MEGF11: variants seen among roughly 807,000 people sequenced by gnomAD.
MEGF11 encodes multiple epidermal growth factor-like domains protein 11.
Under a neutral mutation model 146.6 loss-of-function variants are expected in MEGF11, and 126 were observed. That is an observed-to-expected ratio of 0.86 (90% CI 0.74 to 1.00). MEGF11 has a LOEUF of 1.00. MEGF11 is among the 50% of genes least tolerant of loss of function. The pLI, the probability that MEGF11 is intolerant of heterozygous loss-of-function variation, is 0.00. For missense variants in MEGF11, 1,509 were observed against 1,521.2 expected (o/e 0.99, Z 0.13); for synonymous variants, 532 against 583.4 (o/e 0.91, Z 1.27).
At chr15:65,926,913 C>T (rs2079390679) in intron 13 of MEGF11, among the ~76,000 whole-genome samples, 1 of 152,106 alleles carries the variant, frequency 6.6e-6, no homozygotes, top group Non-Finnish European at 1.5e-5. Flanking sequence ...TACTGACGGG[C>T]AGGAGCCAGC....
chr15:65,913,940 G>C lies in MEGF11; in HGVS notation c.2507C>G (p.Thr836Ser). The C allele has an allele frequency of 6.2e-7, 1 of 1,613,952 alleles. No homozygotes were observed. The highest frequency in any genetic ancestry group is 8.5e-7 in the Non-Finnish European group (1 of 1,179,878). ...TGCACCCAGTGCTGGGCTGATCTTG[G>C]TGTAGGGATTCAGCTCCTCCATCAT... ...ALMMEELNPY[T>S]KISPALGAER... The change falls in exon 20 of 26, where the codon ACC (threonine) becomes AGC (serine). Residue 836 changes from threonine to serine, a missense_variant. Physicochemically the swap from Thr to Ser is moderately conservative, Grantham distance 58 (BLOSUM62 1). Coordinates refer to ENST00000395614, the MANE Select transcript of MEGF11 (RefSeq NM_001385028.1).
Position 66,128,318 on chromosome 15 carries a change from C to A in MEGF11, c.86G>T (p.Ser29Ile). ...GCCCACACCTTACCTCTCCCAGTGG[C>A]TGCACACGTTGGGGTCCTCGGGGTT... ...ALNPEDPNVC[S>I]HWESYAVTVQ... Residue 29 changes from serine to isoleucine, a missense_variant, in exon 2 of 26, where the codon AGC becomes ATC. Transcript: ENST00000395614. The A allele has an allele frequency of 2.0e-6, 3 of 1,516,826 alleles. No individual in the cohort carries two copies. Among genetic ancestry groups the A allele is most frequent in the Admixed American group, 2.2e-5 (1 of 46,020 alleles). The allele number at this position is 1,516,826 out of a possible 1,614,324, so 94.0% of individuals were successfully genotyped here.
chr15:66,052,414 T>C (rs1025521106), intron 5 of MEGF11, among the ~76,000 whole-genome samples: 1 of 152,192 alleles, frequency 6.6e-6, no homozygotes, highest in Non-Finnish European at 1.5e-5. Flanking sequence ...GAGGTCTGTT[T>C]GTTTTATGAC....
At chr15:66,151,031 C>T (rs1338629021) in intron 1 of MEGF11, among the ~76,000 whole-genome samples, 1 of 152,184 alleles carries the variant, frequency 6.6e-6, no homozygotes, top group Non-Finnish European at 1.5e-5. Flanking sequence ...GGGACAAGGG[C>T]TGGGGAGGTC....
At chr15:66,131,361 A>G (rs2088639720) in intron 1 of MEGF11, among the ~76,000 whole-genome samples, 1 of 152,268 alleles carries the variant, frequency 6.6e-6, no homozygotes, top group African/African-American at 2.4e-5. Flanking sequence ...ATAAGATGCC[A>G]TCAGCTGCAG....
At chr15:66,120,129 G>A (rs1374468933) in intron 3 of MEGF11, among the ~76,000 whole-genome samples, 4 of 152,192 alleles carry the variant, frequency 2.6e-5, no homozygotes, top group African/African-American at 7.2e-5. Context: ...TTTCAAAGCT[G>A]CTAGGCTTAA....
intron 5 of MEGF11, among the ~76,000 whole-genome samples, chr15:66,010,767 T>G (rs1352007094): frequency 3.9e-5 from 6 of 152,190 alleles, no homozygotes; most frequent in African/African-American, 1.4e-4. Flanking sequence ...AAAGAAAACA[T>G]GGGGTTCCAC....
chr15:66,182,427 G>T (rs771448754), intron 1 of MEGF11, among the ~76,000 whole-genome samples: 2 of 152,014 alleles, frequency 1.3e-5, no homozygotes, highest in African/African-American at 4.8e-5. Flanking sequence ...AAGCCAACAG[G>T]GAAATCATTA....
chr15:65,957,595 G>A lies in MEGF11; in HGVS notation c.1239C>T (p.Ala413=), dbSNP rs778548161. ...CQLPCTCQNG[A]DCHSITGGCT... is the part of the protein sequence containing the mutation. ...AGCCCCCAGTGATGCTGTGGCAGTC[G>A]GCGCCATTCTGACAGGTGCAAGGCA... The change falls in exon 10 of 26, where the codon GCC becomes GCT. Residue 413 remains alanine, a synonymous_variant. Coordinates refer to ENST00000395614, the MANE Select transcript of MEGF11 (RefSeq NM_001385028.1). 1.1e-4 allele frequency: 182 copies of A among 1,613,724 alleles called. No individual in the cohort carries two copies. The highest frequency in any genetic ancestry group is 1.8e-4 in the Admixed American group (11 of 60,004).
At chr15:66,208,092 A>G (rs545791920) in intron 1 of MEGF11, among the ~76,000 whole-genome samples, 12 of 152,106 alleles carry the variant, frequency 7.9e-5, no homozygotes, top group African/African-American at 2.9e-4. Flanking sequence ...CTCAGAAAAA[A>G]AAAAAAAAAG....
chr15:66,028,425 C>T (rs1310074812), intron 5 of MEGF11, among the ~76,000 whole-genome samples: 1 of 152,164 alleles, frequency 6.6e-6, no homozygotes, highest in South Asian at 2.1e-4. Context: ...CTGGTACACA[C>T]ATTACTGATA....
intron 1 of MEGF11, among the ~76,000 whole-genome samples, chr15:66,243,504 G>A (rs1031784234): frequency 6.6e-6 from 1 of 152,140 alleles, no homozygotes; most frequent in African/African-American, 2.4e-5. Context: ...CTGGGAGCGG[G>A]GCAATCTTAA....
In MEGF11 at chr15:65,913,939, G is replaced by T. The variant is rs978618087; in HGVS notation, c.2508C>A (p.Thr836=). The change falls in exon 20 of 26, where the codon ACC becomes ACA. Residue 836 remains threonine (T), a synonymous_variant. Transcript: ENST00000395614. ...CTGCACCCAGTGCTGGGCTGATCTT[G>T]GTGTAGGGATTCAGCTCCTCCATCA... The part of the protein sequence containing the change: ...ALMMEELNPY[T]KISPALGAER... 1.4e-5 allele frequency: 23 copies of T among 1,613,972 alleles called. No homozygotes were observed. The highest frequency in any genetic ancestry group is 1.9e-5 in the Non-Finnish European group (22 of 1,179,882).
At chr15:66,071,372 G>A (rs1021344597) in intron 5 of MEGF11, among the ~76,000 whole-genome samples, 1 of 152,212 alleles carries the variant, frequency 6.6e-6, no homozygotes, top group Non-Finnish European at 1.5e-5. Flanking sequence ...CAGCTTCCAA[G>A]GTGCATGGGA....
intron 5 of MEGF11, among the ~76,000 whole-genome samples, chr15:66,030,243 C>T (rs992022608): frequency 5.9e-5 from 9 of 152,332 alleles, no homozygotes; most frequent in Middle Eastern, 3.4e-3. Flanking sequence ...ATATCCAGCC[C>T]ATACCACATT....
chr15:65,905,924 G>A (rs532040792), intron 24 of MEGF11, 161 bp downstream of exon 24: 23 of 500,528 alleles, frequency 4.6e-5, no homozygotes, highest in African/African-American at 4.5e-4. Flanking sequence ...TGCTCCTCCT[G>A]GGCACAGCTA....
intron 1 of MEGF11, among the ~76,000 whole-genome samples, chr15:66,212,154 C>CCA: frequency 6.6e-6 from 1 of 152,014 alleles, no homozygotes; most frequent in East Asian, 2.0e-4. Context: ...GCAAGGGAGC[C>CCA]CACACAAGAG....
At chr15:66,224,056 G>A (rs2091794697) in intron 1 of MEGF11, among the ~76,000 whole-genome samples, 1 of 152,108 alleles carries the variant, frequency 6.6e-6, no homozygotes, top group Non-Finnish European at 1.5e-5. Context: ...ATCAACAACA[G>A]GACACTTTGC....
At chr15:66,174,684 C>G (rs978142866) in intron 1 of MEGF11, among the ~76,000 whole-genome samples, 1 of 152,024 alleles carries the variant, frequency 6.6e-6, no homozygotes, top group South Asian at 2.1e-4. Context: ...CCCAGCCCCA[C>G]CTGTGGGGCT....
Sources: allele counts gnomAD v4.1 joint callset (sites outside exome capture counted in the v4.1 genomes callset), GRCh38; gene constraint gnomAD v4.1.1; transcripts MANE v1.5; gene names NCBI Gene and HGNC (gene_info 2026-07-23, HGNC 2026-07-21).